The following GNAI1 variants were observed in gnomAD, a reference collection of about 807,000 sequenced individuals.
GNAI1 encodes G protein subunit alpha i1.
Under a neutral mutation model 38.9 loss-of-function variants are expected in GNAI1, and 11 were observed. The ratio of observed to expected loss-of-function variants is 0.28; its 90% CI spans 0.18 to 0.47. The LOEUF is 0.47. Among genes scored for constraint, GNAI1 ranks in the 20% least tolerant of loss-of-function variants. GNAI1 has a pLI of 0.99. For synonymous variants in GNAI1, 166 were observed against 145.1 expected (o/e 1.14, Z -1.04); for missense variants, 317 against 436.9 (o/e 0.73, Z 2.45).
In GNAI1 at chr7:80,219,027, T is replaced by TGTGTGTGTG. The variant is rs111698493; in HGVS notation, c.*1534_*1535insGTGTGTGTG. On this transcript the variant is annotated 3_prime_UTR_variant, in exon 8 of 8. Coordinates refer to ENST00000649796, the MANE Select transcript of GNAI1 (RefSeq NM_002069.6). ...GTGTTGTCACTGGGTTGAAGTATAT[T>TGTGTGTGTG]TGTGTGTGTGTGTGTGTGTGTGTGT... The TGTGTGTGTG allele has an allele frequency of 6.9e-6, 1 of 145,836 alleles. No homozygotes were observed. The highest frequency in any genetic ancestry group is 2.5e-5 in the African/African-American group (1 of 39,220). The allele number at this position is 145,836 out of a possible 1,614,324, so 9.0% of individuals were successfully genotyped here.
At chr7:80,191,422 C>T (rs1040672202) in intron 3 of GNAI1, among the ~76,000 whole-genome samples, 15 of 152,068 alleles carry the variant, frequency 9.9e-5, no homozygotes, top group Admixed American at 8.5e-4. Context: ...GAGACAGTCT[C>T]GCTCTGTAGC....
At position 80,150,605 on chromosome 7, in the gene GNAI1, G is replaced by C. The variant is rs968771500; in HGVS notation, c.118+15327G>C. Among the ~76,000 whole-genome samples the C allele has an allele frequency of 3.9e-5, 6 of 152,336 alleles. No homozygotes were observed. In the East Asian group the frequency reaches 9.6e-4, roughly 24 times the overall value. On this transcript the variant is annotated intron_variant, in intron 1 of 7. Coordinates refer to ENST00000649796, the MANE Select transcript of GNAI1 (RefSeq NM_002069.6). ...TACTTCTGAGGAGGCGGAGAGGGAA[G>C]TGGATCAGGAGGATGCATCCAGGGT... is the stretch of plus-strand genomic sequence containing the variant.
chr7:80,162,295 T>C (rs1646257989), intron 1 of GNAI1, among the ~76,000 whole-genome samples: 2 of 152,162 alleles, frequency 1.3e-5, no homozygotes, highest in Non-Finnish European at 2.9e-5. Context: ...TCTGTGATAC[T>C]CTCTTACAGC....
At position 80,222,497 on chromosome 7, in the gene GNAI1, C is replaced by T. The variant is rs1215162812; in HGVS notation, c.*5004C>T. On this transcript the variant is annotated 3_prime_UTR_variant, in exon 8 of 8. Transcript: ENST00000649796. ...CCGCCTCCCGGGTACAAGCAATTCT[C>T]CTGCCTCAGGTTCCCGAGTAGCTGG... Among the ~76,000 whole-genome samples, 1 of 151,058 alleles carries T rather than the reference C, an allele frequency of 6.6e-6. No homozygotes were observed. Among genetic ancestry groups the T allele is most frequent in the Non-Finnish European group, 1.5e-5 (1 of 67,922 alleles).
chr7:80,202,902 T>C (rs116169163), intron 4 of GNAI1, among the ~76,000 whole-genome samples: 410 of 152,314 alleles, frequency 2.7e-3, no homozygotes, highest in African/African-American at 9.6e-3. Flanking sequence ...GCAGTGTCAT[T>C]CCTTTTCTTC....
At chr7:80,140,923 C>T (rs371023095) in intron 1 of GNAI1, among the ~76,000 whole-genome samples, 61 of 152,308 alleles carry the variant, frequency 4.0e-4, no homozygotes, top group African/African-American at 1.4e-3. Flanking sequence ...TCTACAGAGG[C>T]TGCCTGCTTT....
At chr7:80,195,404 A>G (rs1016458839) in intron 3 of GNAI1, among the ~76,000 whole-genome samples, 2 of 151,914 alleles carry the variant, frequency 1.3e-5, no homozygotes, top group African/African-American at 4.8e-5. Context: ...TCATTTCCTC[A>G]AGACATTTTT....
At chr7:80,146,761 A>C (rs527675826) in intron 1 of GNAI1, among the ~76,000 whole-genome samples, 1 of 152,210 alleles carries the variant, frequency 6.6e-6, no homozygotes, top group East Asian at 1.9e-4. Context: ...TTTCATAAGC[A>C]TTTCTCACAT....
At chr7:80,207,501 T>TA (rs980662791) in intron 5 of GNAI1, among the ~76,000 whole-genome samples, 5 of 152,220 alleles carry the variant, frequency 3.3e-5, no homozygotes, top group Non-Finnish European at 5.9e-5. Context: ...TTTGGTGACT[T>TA]AAAGATAAAC....
At chr7:80,182,173 T>G (rs779265770) in intron 1 of GNAI1, among the ~76,000 whole-genome samples, 16 of 152,190 alleles carry the variant, frequency 1.1e-4, no homozygotes, top group Non-Finnish European at 1.6e-4. Context: ...CTATCACGAA[T>G]GACAGGATTT....
intron 1 of GNAI1, among the ~76,000 whole-genome samples, chr7:80,144,806 G>T (rs1042776192): frequency 1.3e-5 from 2 of 152,134 alleles, no homozygotes; most frequent in African/African-American, 4.8e-5. Context: ...CTAATTCCAA[G>T]AATTACATTT....
At chr7:80,197,752 TATGTTCTC>T (rs1159891456) in intron 3 of GNAI1, among the ~76,000 whole-genome samples, 4 of 152,106 alleles carry the variant, frequency 2.6e-5, no homozygotes, top group Non-Finnish European at 5.9e-5. Flanking sequence ...GCTTGAATAA[TATGTTCTC>T]ATGCTGAGAG....
chr7:80,145,989 A>G (rs1393023175), intron 1 of GNAI1, among the ~76,000 whole-genome samples: 1 of 152,040 alleles, frequency 6.6e-6, no homozygotes, highest in East Asian at 1.9e-4. Flanking sequence ...CAGGAAAATT[A>G]TATGTTGCAT....
chr7:80,164,065 G>C (rs1437015004), intron 1 of GNAI1, among the ~76,000 whole-genome samples: 8 of 139,576 alleles, frequency 5.7e-5, no homozygotes, highest in Non-Finnish European at 1.2e-4. Flanking sequence ...TTTTTTGTGG[G>C]GACTGAGTCT....
chr7:80,214,493 G>A (rs1355413022), intron 7 of GNAI1, among the ~76,000 whole-genome samples: 1 of 152,100 alleles, frequency 6.6e-6, no homozygotes, highest in Non-Finnish European at 1.5e-5. Context: ...CTCTTTCCTT[G>A]CCAAGTAGAC....
intron 1 of GNAI1, among the ~76,000 whole-genome samples, chr7:80,151,086 A>G (rs941781080): frequency 3.9e-5 from 6 of 152,174 alleles, no homozygotes; most frequent in Non-Finnish European, 7.4e-5. Context: ...CTGCATTTCC[A>G]TATTTCCCAT....
intron 1 of GNAI1, among the ~76,000 whole-genome samples, chr7:80,145,240 T>A (rs1787599723): frequency 6.6e-6 from 1 of 152,236 alleles, no homozygotes; most frequent in Non-Finnish European, 1.5e-5. Flanking sequence ...ATTTTTCCTT[T>A]TTCACTTTGC....
chr7:80,199,578 C>T (rs967625516), intron 4 of GNAI1, among the ~76,000 whole-genome samples, 196 bp downstream of exon 4: 1 of 151,534 alleles, frequency 6.6e-6, no homozygotes. Flanking sequence ...CCTATATGTT[C>T]AATAGTGTCT....
chr7:80,181,384 T>G (rs1788290915), intron 1 of GNAI1, among the ~76,000 whole-genome samples: 1 of 152,196 alleles, frequency 6.6e-6, no homozygotes, highest in African/African-American at 2.4e-5. Flanking sequence ...ATGACACCCT[T>G]CAAACATATG....
Sources: allele counts gnomAD v4.1 joint callset (sites outside exome capture counted in the v4.1 genomes callset), GRCh38; gene constraint gnomAD v4.1.1; transcripts MANE v1.5; gene names NCBI Gene and HGNC (gene_info 2026-07-23, HGNC 2026-07-21).